Variants in PSPC1 observed in about 807,000 individuals in gnomAD.
PSPC1 encodes paraspeckle component 1, also known as paraspeckle protein 1.
PSPC1 carries 14 observed loss-of-function variants against 51.6 expected under a neutral mutation model. The ratio of observed to expected loss-of-function variants is 0.27; its 90% CI spans 0.18 to 0.42. The LOEUF is 0.42. Ranked by LOEUF, PSPC1 falls within the 10% of genes least tolerant of loss-of-function variation. PSPC1 has a pLI of 1.00. For missense variants in PSPC1, 406 were observed against 701.1 expected (o/e 0.58, Z 4.75); for synonymous variants, 193 against 231.9 (o/e 0.83, Z 1.53).
At chr13:19,698,950 G>GT (rs1879582500), downstream of PSPC1, among the ~76,000 whole-genome samples, 1 of 151,578 alleles carries the variant, frequency 6.6e-6, no homozygotes, top group East Asian at 1.9e-4. Flanking sequence ...ATTTCATCAG[G>GT]TAAAAAAAAG....
chr13:19,671,398 G>A (rs1024615768), downstream of PSPC1: 1 of 906,754 alleles, frequency 1.1e-6, no homozygotes, highest in African/African-American at 1.7e-5. Context: ...CTGTCCTAGA[G>A]ACAGGCACTC....
At chr13:19,774,367 A>G (rs1888896153) in intron 1 of PSPC1, among the ~76,000 whole-genome samples, 2 of 152,222 alleles carry the variant, frequency 1.3e-5, no homozygotes, top group Admixed American at 1.3e-4. Context: ...AATCCCTAAA[A>G]TGTTCATGAC....
rs115444297 is a variant in PSPC1 at position 19,706,768 on chromosome 13, T to C, written c.1217-937A>G. ...TTTAGAGTTTTCTTCTAGTATTTCA[T>C]TACATAGGTCAATTTTCTGATAATA... On this transcript the variant is annotated intron_variant, in intron 7 of 8. Transcript: ENST00000338910. 3.1e-3 allele frequency among the ~76,000 whole-genome samples: 467 copies of C among 152,290 alleles called. 4 individuals are homozygous for C. Among genetic ancestry groups the C allele is most frequent in the African/African-American group, 0.01 (430 of 41,572 alleles).
intron 7 of PSPC1, among the ~76,000 whole-genome samples, chr13:19,708,266 C>T (rs1450364529): frequency 6.6e-6 from 1 of 152,128 alleles, no homozygotes; most frequent in Admixed American, 6.5e-5. Context: ...ACTATATATG[C>T]TGAGAACACA....
At chr13:19,773,536 C>G (rs1888814792) in intron 1 of PSPC1, among the ~76,000 whole-genome samples, 1 of 152,118 alleles carries the variant, frequency 6.6e-6, no homozygotes, top group African/African-American at 2.4e-5. Context: ...CCGCACCCGG[C>G]CTGTTTTTTA....
Position 19,702,927 on chromosome 13 carries a change from T to C in PSPC1, c.*248A>G, listed in dbSNP as rs1000954298. ...TAACTACATAGATTTCACAGTACTA[T>C]GGAATACTTATATTTAGCTAAAGTC... On this transcript the variant is annotated 3_prime_UTR_variant, in exon 9 of 9. Coordinates refer to ENST00000338910, the MANE Select transcript of PSPC1 (RefSeq NM_001354909.2). The C allele has an allele frequency of 1.1e-5, 4 of 355,814 alleles. No homozygotes were observed. The highest frequency in any genetic ancestry group is 6.2e-5 in the African/African-American group (3 of 48,658). 22.0% of individuals were successfully genotyped at this position (355,814 alleles called of 1,614,324 possible).
At chr13:19,779,955 A>T (rs1396841080) in intron 1 of PSPC1, among the ~76,000 whole-genome samples, 48 of 105,280 alleles carry the variant, frequency 4.6e-4, no homozygotes, top group Middle Eastern at 6.7e-3. Flanking sequence ...TCCGGGAGGG[A>T]GGTGGGGGGG....
intron 1 of PSPC1, among the ~76,000 whole-genome samples, chr13:19,776,296 C>CTCTACA (rs1463295235): frequency 7.9e-5 from 12 of 151,856 alleles, no homozygotes; most frequent in Non-Finnish European, 1.6e-4. Flanking sequence ...GAGACCTTGT[C>CTCTACA]TCTACAAAAA....
At chr13:19,756,390 TCCA>T (rs776688802) in intron 3 of PSPC1, among the ~76,000 whole-genome samples, 1 of 152,084 alleles carries the variant, frequency 6.6e-6, no homozygotes, top group Non-Finnish European at 1.5e-5. Flanking sequence ...TTGGATACTC[TCCA>T]CCGTTAACAT....
chr13:19,753,877 G>A (rs888204488), intron 3 of PSPC1, among the ~76,000 whole-genome samples: 1 of 152,026 alleles, frequency 6.6e-6, no homozygotes, highest in African/African-American at 2.4e-5. Flanking sequence ...ACTGGAAAGT[G>A]GGAAAGATTG....
chr13:19,706,511 C>T (rs1483952095), intron 7 of PSPC1, among the ~76,000 whole-genome samples: 2 of 151,988 alleles, frequency 1.3e-5, no homozygotes, highest in East Asian at 3.9e-4. Context: ...ATATAGCTAT[C>T]TGGATCTTTC....
rs1007998412 is a variant in PSPC1 at position 19,747,177 on chromosome 13, T to C, written c.967+4094A>G. 3.8e-4 allele frequency among the ~76,000 whole-genome samples: 58 copies of C among 152,194 alleles called. 1 individual carries two copies. The highest frequency in any genetic ancestry group is 1.4e-3 in the African/African-American group (56 of 41,452). ...CATGCATATATATTCTTTGCAGCAC[T>C]GCTTTTAAAAACAAACTGAAAAGAG... On this transcript the variant is annotated intron_variant, in intron 4 of 8. Coordinates refer to ENST00000338910, the MANE Select transcript of PSPC1 (RefSeq NM_001354909.2).
chr13:19,776,993 T>C (rs1714852098), intron 1 of PSPC1, among the ~76,000 whole-genome samples: 1 of 139,536 alleles, frequency 7.2e-6, no homozygotes, highest in African/African-American at 2.7e-5. Context: ...TGGGCTGGTG[T>C]CATGCCTGTA....
intron 6 of PSPC1, among the ~76,000 whole-genome samples, chr13:19,694,142 A>C (rs1878920082): frequency 1.5e-5 from 1 of 66,212 alleles, no homozygotes. Flanking sequence ...AAAAAAAAAA[A>C]AAAAAAAACC....
chr13:19,672,214 G>A (rs550657834), downstream of PSPC1: 29 of 216,918 alleles, frequency 1.3e-4, no homozygotes, highest in South Asian at 1.9e-3. Context: ...GTGCGATCTC[G>A]GCTCACTGCA....
intron 6 of PSPC1, among the ~76,000 whole-genome samples, chr13:19,721,815 CA>C (rs747791748): frequency 2.7e-5 from 4 of 150,312 alleles, no homozygotes; most frequent in East Asian, 1.9e-4. Context: ...GAAAACCAAG[CA>C]AAAAAAAATT....
chr13:19,702,374 T>C (rs1418672882), downstream of PSPC1: 2 of 152,196 alleles, frequency 1.3e-5, no homozygotes, highest in African/African-American at 4.8e-5. Flanking sequence ...TTTTAAAGAA[T>C]GTTTAACACT....
At chr13:19,684,250 G>C (rs1043956548) in intron 6 of PSPC1, among the ~76,000 whole-genome samples, 5 of 152,024 alleles carry the variant, frequency 3.3e-5, no homozygotes, top group Admixed American at 3.3e-4. Flanking sequence ...AAACAGTCAA[G>C]AAAAAAACTA....
At position 19,751,854 on chromosome 13, in the gene PSPC1, A is replaced by G. The variant is rs142527629; in HGVS notation, c.771-387T>C. On this transcript the variant is annotated intron_variant, in intron 3 of 8. Transcript: ENST00000338910. ...GGGCAGATCACGAGGTCAGGATATC[A>G]AGACCATCCTGGCTAACGTTGTGAA... Among the ~76,000 whole-genome samples, 703 of 152,122 alleles carry G rather than the reference A, an allele frequency of 4.6e-3. 5 individuals are homozygous for G. The highest frequency in any genetic ancestry group is 0.027 in the South Asian group (129 of 4,824).
Sources: gnomAD v4.1 joint callset for allele counts (sites outside exome capture counted in the v4.1 genomes callset) on GRCh38, gnomAD v4.1.1 for gene constraint, MANE v1.5 for transcripts, NCBI Gene and HGNC (gene_info 2026-07-23, HGNC 2026-07-21) for gene names.